Variants in DPYD observed in about 807,000 individuals in gnomAD.
The protein encoded by DPYD is dihydropyrimidine dehydrogenase, also known as dihydropyrimidine dehydrogenase [NADP(+)].
A neutral mutation model predicts 116.2 loss-of-function variants in DPYD; 109 were observed. That is an observed-to-expected ratio of 0.94 (90% CI 0.80 to 1.10). The LOEUF (loss-of-function observed/expected upper bound fraction) is 1.10, where lower values mean the gene tolerates loss of function less well. Among genes scored for constraint, DPYD ranks in the 50% least tolerant of loss-of-function variants. DPYD has a pLI of 0.00. For missense variants in DPYD, 1,302 were observed against 1,254.5 expected, an observed-to-expected ratio of 1.04 and a Z score of -0.57; for synonymous variants, 440 against 432.0, an observed-to-expected ratio of 1.02 and a Z score of -0.23.
At chr1:97,509,393 T>C (rs564362377) in intron 13 of DPYD, among the ~76,000 whole-genome samples, 1 of 152,048 alleles carries the variant, frequency 6.6e-6, no homozygotes, top group Admixed American at 6.6e-5. Context: ...GTTTAAAATA[T>C]GGTATGAAAA....
At chr1:97,172,645 G>A (rs888793253) in intron 20 of DPYD, among the ~76,000 whole-genome samples, 2 of 152,138 alleles carry the variant, frequency 1.3e-5, no homozygotes, top group Non-Finnish European at 2.9e-5. Context: ...CGTCACAGAT[G>A]AAGGAAATGT....
At chr1:97,122,483 A>C (rs1188388707) in intron 20 of DPYD, among the ~76,000 whole-genome samples, 1 of 152,284 alleles carries the variant, frequency 6.6e-6, no homozygotes, top group South Asian at 2.1e-4. Context: ...TTCTAGAATA[A>C]AGAGTCATAC....
At chr1:97,655,922 AAAG>A (rs984503878) in intron 8 of DPYD, among the ~76,000 whole-genome samples, 1 of 152,168 alleles carries the variant, frequency 6.6e-6, no homozygotes, top group Non-Finnish European at 1.5e-5. Flanking sequence ...AGGAAACTAA[AAAG>A]AAGGACACAC....
intron 1 of DPYD, among the ~76,000 whole-genome samples, chr1:97,887,829 C>T (rs535718118): frequency 6.6e-6 from 1 of 152,104 alleles, no homozygotes; most frequent in East Asian, 2.0e-4. Context: ...TACCCCCATG[C>T]TGCTGTTCTC....
intron 7 of DPYD, among the ~76,000 whole-genome samples, chr1:97,690,945 A>G (rs1407630403): frequency 6.6e-6 from 1 of 152,166 alleles, no homozygotes; most frequent in African/African-American, 2.4e-5. Flanking sequence ...TGCAAAAGGT[A>G]TGAGTAGTTT....
chr1:97,586,016 G>T, intron 10 of DPYD: 1 of 225,990 alleles, frequency 4.4e-6, no homozygotes, highest in South Asian at 8.4e-5. Context: ...CATCTGAAAG[G>T]ATGATGAAGT....
At chr1:97,159,890 C>T (rs984585362) in intron 20 of DPYD, among the ~76,000 whole-genome samples, 1 of 151,828 alleles carries the variant, frequency 6.6e-6, no homozygotes, top group Non-Finnish European at 1.5e-5. Context: ...TAAATAAATC[C>T]TATGATTTCA....
intron 4 of DPYD, among the ~76,000 whole-genome samples, chr1:97,736,433 TTTA>T (rs1663947397): frequency 6.6e-6 from 1 of 151,926 alleles, no homozygotes; most frequent in South Asian, 2.1e-4. Context: ...TGAATAAAAT[TTTA>T]TTTATTCCAA....
At chr1:97,112,476 A>G (rs1268419780) in intron 20 of DPYD, among the ~76,000 whole-genome samples, 1 of 152,162 alleles carries the variant, frequency 6.6e-6, no homozygotes, top group Non-Finnish European at 1.5e-5. Flanking sequence ...ACCATTCTGT[A>G]GCCTAAACTA....
At chr1:97,216,933 C>T (rs912530012) in intron 19 of DPYD, among the ~76,000 whole-genome samples, 1 of 151,992 alleles carries the variant, frequency 6.6e-6, no homozygotes, top group Non-Finnish European at 1.5e-5. Context: ...GAGGATCTGG[C>T]ACCGTGGCTC....
At chr1:97,191,004 C>A (rs568254054) in intron 20 of DPYD, among the ~76,000 whole-genome samples, 3 of 151,938 alleles carry the variant, frequency 2.0e-5, no homozygotes, top group East Asian at 3.9e-4. Context: ...GACCAGCATA[C>A]TATTCTTTGG....
intron 19 of DPYD, among the ~76,000 whole-genome samples, chr1:97,221,936 T>C (rs1234955964): frequency 1.3e-5 from 2 of 152,048 alleles, no homozygotes; most frequent in Non-Finnish European, 2.9e-5. Context: ...CAAATAACTA[T>C]TTCTAATAGT....
At position 97,182,197 on chromosome 1, in the gene DPYD, T is replaced by C. The variant is rs184920402; in HGVS notation, c.2622+10872A>G. Among the ~76,000 whole-genome samples the C allele has an allele frequency of 2.0e-3, 298 of 152,232 alleles. 1 individual carries two copies. The highest frequency in any genetic ancestry group is 6.5e-3 in the African/African-American group (270 of 41,556). ...TGGGGCTAACAAATTTTATCCAACA[T>C]TTTTTGCTTCTAAGGAGGAATAATC... On this transcript the variant is annotated intron_variant, in intron 20 of 22. Transcript: ENST00000370192.
intron 4 of DPYD, among the ~76,000 whole-genome samples, chr1:97,730,972 G>A (rs979146314): frequency 3.3e-5 from 5 of 151,912 alleles, no homozygotes; most frequent in African/African-American, 9.7e-5. Context: ...CTTTAAGTTT[G>A]AGAAATTATT....
chr1:97,335,926 A>T (rs1411230444), intron 16 of DPYD, among the ~76,000 whole-genome samples: 4 of 152,004 alleles, frequency 2.6e-5, no homozygotes, highest in Non-Finnish European at 5.9e-5. Flanking sequence ...TTTGACTCTC[A>T]TGGGCATTTT....
intron 6 of DPYD, among the ~76,000 whole-genome samples, chr1:97,698,692 G>A (rs1162519408): frequency 6.6e-6 from 1 of 151,576 alleles, no homozygotes; most frequent in Non-Finnish European, 1.5e-5. Context: ...TCTTTATTTT[G>A]TATAAAATGT....
intron 13 of DPYD, among the ~76,000 whole-genome samples, chr1:97,455,376 C>G (rs1267691383): frequency 6.6e-6 from 1 of 151,844 alleles, no homozygotes; most frequent in Non-Finnish European, 1.5e-5. Flanking sequence ...TTCCAAGATT[C>G]TGCTGTAAAT....
chr1:97,603,505 T>C (rs1453565385), intron 8 of DPYD, among the ~76,000 whole-genome samples: 1 of 152,008 alleles, frequency 6.6e-6, no homozygotes, highest in Non-Finnish European at 1.5e-5. Flanking sequence ...CCTAAAAACA[T>C]ACTCTATTGA....
Position 97,213,212 on chromosome 1 carries a change from T to C in DPYD, c.2443-19964A>G, listed in dbSNP as rs78134447. Among the ~76,000 whole-genome samples, 773 of 152,188 alleles carry C rather than the reference T, an allele frequency of 5.1e-3. 5 individuals are homozygous for C. The highest frequency in any genetic ancestry group is 0.018 in the African/African-American group (743 of 41,530). On this transcript the variant is annotated intron_variant, in intron 19 of 22. Transcript: ENST00000370192. ...AGATTGGGGTTAGTATTCCAACATA[T>C]ACATTTTGGGGGGACACAAACATTC...
Sources: allele counts gnomAD v4.1 joint callset (sites outside exome capture counted in the v4.1 genomes callset), GRCh38; gene constraint gnomAD v4.1.1; transcripts MANE v1.5; gene names NCBI Gene and HGNC (gene_info 2026-07-23, HGNC 2026-07-21).